Variants in ZNF536 observed in about 807,000 individuals in gnomAD.
The protein encoded by ZNF536 is zinc finger protein 536.
A neutral mutation model predicts 84.5 loss-of-function variants in ZNF536; 13 were observed. The observed-to-expected ratio is 0.15, with a 90% CI of 0.10 to 0.24. The LOEUF is 0.24. Among genes scored for constraint, ZNF536 ranks in the 10% least tolerant of loss-of-function variants. ZNF536 has a pLI of 1.00. For synonymous variants in ZNF536, 811 were observed against 742.5 expected, an observed-to-expected ratio of 1.09 and a Z score of -1.50; for missense variants, 1,536 against 1,747.5, an observed-to-expected ratio of 0.88 and a Z score of 2.16.
At chr19:30,246,554 C>T (rs921738362) in intron 1 of ZNF536, among the ~76,000 whole-genome samples, 2 of 152,176 alleles carry the variant, frequency 1.3e-5, no homozygotes, top group Non-Finnish European at 2.9e-5. Context: ...TGTGCCACTG[C>T]CTTGCCAGCT....
chr19:30,482,251 A>C (rs2054120870), intron 2 of ZNF536, among the ~76,000 whole-genome samples: 1 of 152,158 alleles, frequency 6.6e-6, no homozygotes, highest in African/African-American at 2.4e-5. Flanking sequence ...TCTTTAAGGA[A>C]TCTTCTGTTT....
chr19:30,653,341 T>C (rs1383668092), intron 1 of ZNF536, among the ~76,000 whole-genome samples: 1 of 152,030 alleles, frequency 6.6e-6, no homozygotes, highest in Non-Finnish European at 1.5e-5. Context: ...CACATCTGCT[T>C]TCGGGGAGAC....
intron 2 of ZNF536, among the ~76,000 whole-genome samples, chr19:30,347,115 T>TC (rs1568348500): frequency 3.4e-5 from 3 of 89,520 alleles, no homozygotes; most frequent in African/African-American, 2.3e-4. Context: ...GGCTTTTTTT[T>TC]TTTTTATATG....
intron 2 of ZNF536, among the ~76,000 whole-genome samples, chr19:30,449,571 A>G (rs2052503485): frequency 6.6e-6 from 1 of 152,204 alleles, no homozygotes; most frequent in Non-Finnish European, 1.5e-5. Flanking sequence ...TGAATTCCAC[A>G]TAATTTTGGA....
downstream of ZNF536, among the ~76,000 whole-genome samples, chr19:30,560,050 C>T (rs74829422): frequency 0.026 from 3,886 of 152,146 alleles, 168 homozygotes; most frequent in African/African-American, 0.09. Context: ...CCATCCACCT[C>T]CTCCTCATCA....
At chr19:30,664,962 C>G (rs2050263113) in intron 1 of ZNF536, among the ~76,000 whole-genome samples, 1 of 152,212 alleles carries the variant, frequency 6.6e-6, no homozygotes, top group Admixed American at 6.5e-5. Context: ...CCTAGAGGCT[C>G]CATGAGAGTA....
chr19:30,590,386 G>T lies in ZNF536; in HGVS notation c.169+40872G>T, dbSNP rs183844695. On this transcript the variant is annotated intron_variant, in intron 1 of 1. Coordinates refer to the ZNF536 transcript ENST00000592773. ...CTCTTCCTAGGGCACTTGGGCCCTG[G>T]TGTCTTGGGCAAAGGAGAGTGGGTG... Among the ~76,000 whole-genome samples, 354 of 152,312 alleles carry T rather than the reference G, an allele frequency of 2.3e-3. 1 individual carries two copies. Among genetic ancestry groups the T allele is most frequent in the Non-Finnish European group, 3.7e-3 (249 of 68,022 alleles).
At chr19:30,512,223 T>C (rs2055441633) in intron 2 of ZNF536, among the ~76,000 whole-genome samples, 6 of 152,196 alleles carry the variant, frequency 3.9e-5, no homozygotes, top group Admixed American at 3.9e-4. Context: ...TGGTTGTTTT[T>C]CCAATGCCTG....
At chr19:30,450,447 T>G (rs931083346) in intron 2 of ZNF536, among the ~76,000 whole-genome samples, 1 of 152,184 alleles carries the variant, frequency 6.6e-6, no homozygotes, top group African/African-American at 2.4e-5. Context: ...CCTGTTCCAG[T>G]CCAACCACCT....
chr19:30,701,454 CACAA>C (rs1295109692), intron 1 of ZNF536, among the ~76,000 whole-genome samples: 6 of 151,892 alleles, frequency 4.0e-5, no homozygotes, highest in African/African-American at 1.4e-4. Flanking sequence ...CACACAGAAA[CACAA>C]ACACACAAAC....
chr19:30,483,320 T>C (rs2054162975), intron 2 of ZNF536, among the ~76,000 whole-genome samples: 1 of 152,164 alleles, frequency 6.6e-6, no homozygotes, highest in South Asian at 2.1e-4. Flanking sequence ...CCTCTCCCCT[T>C]CTGGGAAATG....
intron 1 of ZNF536, among the ~76,000 whole-genome samples, chr19:30,619,092 C>T (rs769396690): frequency 5.9e-5 from 9 of 152,122 alleles, no homozygotes; most frequent in Non-Finnish European, 1.2e-4. Flanking sequence ...GTACCCACCA[C>T]GTAATTTCTC....
intron 2 of ZNF536, among the ~76,000 whole-genome samples, chr19:30,308,970 A>G (rs1021473850): frequency 2.6e-5 from 4 of 152,114 alleles, no homozygotes; most frequent in South Asian, 4.2e-4. Context: ...CCCCTGCCCA[A>G]CTTAACCACA....
At chr19:30,544,052 G>A (rs561435344) in intron 3 of ZNF536, among the ~76,000 whole-genome samples, 114 of 152,292 alleles carry the variant, frequency 7.5e-4, no homozygotes, top group African/African-American at 2.4e-3. Flanking sequence ...CAATCATTTA[G>A]CGATTACGAG....
chr19:30,310,762 C>T (rs2046474155), intron 2 of ZNF536, among the ~76,000 whole-genome samples: 1 of 152,174 alleles, frequency 6.6e-6, no homozygotes, highest in African/African-American at 2.4e-5. Context: ...ATTCTCAGAC[C>T]ATTGCTTCTG....
intron 1 of ZNF536, among the ~76,000 whole-genome samples, chr19:30,686,753 C>T (rs138661832): frequency 8.6e-4 from 131 of 152,272 alleles, no homozygotes; most frequent in Non-Finnish European, 1.7e-3. Flanking sequence ...ACTCTCATCG[C>T]CTTCATTATC....
rs2054440509 is a variant in ZNF536, at chr19:30,489,868, G to A, written c.2170+44136G>A. On this transcript the variant is annotated intron_variant, in intron 2 of 4. Transcript: ENST00000355537. ...ATACTTTGCTGAATAGAATGTGAAA[G>A]TTTGCTGAAAAGGCTGAAGAAGTAA... Among the ~76,000 whole-genome samples, 3 of 152,198 alleles carry A rather than the reference G, an allele frequency of 2.0e-5. No homozygotes were observed. In the South Asian group the frequency reaches 6.2e-4, roughly 32 times the overall value.
At chr19:30,271,805 C>T (rs2145478901) in intron 1 of ZNF536, among the ~76,000 whole-genome samples, 1 of 152,294 alleles carries the variant, frequency 6.6e-6, no homozygotes, top group South Asian at 2.1e-4. Flanking sequence ...CCTATGTGTC[C>T]TAGGAGACAG....
intron 2 of ZNF536, among the ~76,000 whole-genome samples, chr19:30,322,479 C>T (rs891618363): frequency 3.9e-5 from 6 of 152,106 alleles, no homozygotes; most frequent in Non-Finnish European, 7.4e-5. Flanking sequence ...TTGGTCCTGT[C>T]GCCCTAAGGA....
Sources: gnomAD v4.1 joint callset for allele counts (sites outside exome capture counted in the v4.1 genomes callset) on GRCh38, gnomAD v4.1.1 for gene constraint, MANE v1.5 for transcripts, NCBI Gene and HGNC (gene_info 2026-07-23, HGNC 2026-07-21) for gene names.